The following PAK5 variants were observed in gnomAD, a reference collection of about 807,000 sequenced individuals.
PAK5 encodes p21 (RAC1) activated kinase 5.
In PAK5, 16 loss-of-function variants were observed where a neutral mutation model predicts 65.9. The ratio of observed to expected loss-of-function variants is 0.24; its 90% CI spans 0.16 to 0.37. PAK5 has a LOEUF of 0.37. Ranked by LOEUF, PAK5 falls within the 10% of genes least tolerant of loss-of-function variation. The pLI, the probability that PAK5 is intolerant of heterozygous loss-of-function variation, is 1.00. For missense variants in PAK5, 785 were observed against 903.9 expected (o/e 0.87, Z 1.69); for synonymous variants, 371 against 354.9 (o/e 1.05, Z -0.51).
At chr20:9,648,839 T>C (rs898241824) in intron 2 of PAK5, among the ~76,000 whole-genome samples, 6 of 152,154 alleles carry the variant, frequency 3.9e-5, no homozygotes, top group African/African-American at 1.2e-4. Context: ...GGGAACCCAG[T>C]TGGTGTGGAT....
chr20:9,556,438 T>C (rs1300009889), intron 7 of PAK5, among the ~76,000 whole-genome samples: 2 of 152,214 alleles, frequency 1.3e-5, no homozygotes, highest in Non-Finnish European at 2.9e-5. Flanking sequence ...CCTCTGATCA[T>C]TCCTGGGCAA....
chr20:9,636,680 G>A (rs1037116572), intron 3 of PAK5, among the ~76,000 whole-genome samples: 17 of 152,106 alleles, frequency 1.1e-4, no homozygotes, highest in African/African-American at 3.6e-4. Context: ...AAAACAGCTG[G>A]TTTAGAGAAA....
At chr20:9,761,992 C>T (rs2048705652) in intron 1 of PAK5, among the ~76,000 whole-genome samples, 2 of 151,936 alleles carry the variant, frequency 1.3e-5, no homozygotes, top group Admixed American at 1.3e-4. Flanking sequence ...TTGACAAGGG[C>T]AGCAAGAATA....
At chr20:9,601,960 A>G (rs1186932451) in intron 3 of PAK5, among the ~76,000 whole-genome samples, 1 of 152,176 alleles carries the variant, frequency 6.6e-6, no homozygotes, top group Non-Finnish European at 1.5e-5. Context: ...AGTCATTAGC[A>G]TTTGTAGGGT....
intron 1 of PAK5, among the ~76,000 whole-genome samples, chr20:9,745,494 A>C (rs1045757503): frequency 1.3e-5 from 2 of 152,144 alleles, no homozygotes; most frequent in African/African-American, 4.8e-5. Flanking sequence ...TGGTCAATTT[A>C]ATACCTATAA....
chr20:9,624,049 G>C (rs1001821332), intron 3 of PAK5, among the ~76,000 whole-genome samples: 1 of 152,100 alleles, frequency 6.6e-6, no homozygotes, highest in Admixed American at 6.6e-5. Context: ...TTAGGGTCAT[G>C]GTATGTCTTG....
chr20:9,670,616 G>A (rs531288266), intron 2 of PAK5, among the ~76,000 whole-genome samples: 7 of 152,186 alleles, frequency 4.6e-5, no homozygotes, highest in African/African-American at 1.7e-4. Context: ...TTTTAAATGG[G>A]GTTGTTTGAT....
chr20:9,730,398 T>C (rs1005890672), intron 1 of PAK5, among the ~76,000 whole-genome samples: 4 of 152,168 alleles, frequency 2.6e-5, no homozygotes, highest in Admixed American at 6.6e-5. Flanking sequence ...TACTGCTATG[T>C]TTTCAGATAA....
chr20:9,551,216 T>G (rs930369322), intron 7 of PAK5, among the ~76,000 whole-genome samples: 1 of 152,206 alleles, frequency 6.6e-6, no homozygotes, highest in African/African-American at 2.4e-5. Flanking sequence ...AATAAAGCAC[T>G]GTAGGCAGAT....
chr20:9,830,089 G>A (rs763048135), intron 1 of PAK5, among the ~76,000 whole-genome samples: 1 of 152,170 alleles, frequency 6.6e-6, no homozygotes, highest in Non-Finnish European at 1.5e-5. Context: ...GAGCTCAAGG[G>A]GTCTTTGTTG....
intron 1 of PAK5, among the ~76,000 whole-genome samples, chr20:9,760,865 G>A (rs1369382979): frequency 2.0e-5 from 3 of 151,586 alleles, no homozygotes; most frequent in Admixed American, 6.6e-5. Context: ...GTAGAGACAA[G>A]GTTTCACTAT....
At chr20:9,592,536 C>T (rs921903218) in intron 3 of PAK5, among the ~76,000 whole-genome samples, 12 of 152,230 alleles carry the variant, frequency 7.9e-5, no homozygotes, top group African/African-American at 2.2e-4. Context: ...GCATACTTTA[C>T]GTTTATGATT....
intron 1 of PAK5, among the ~76,000 whole-genome samples, chr20:9,713,899 C>T (rs570863580): frequency 6.6e-6 from 1 of 151,636 alleles, no homozygotes; most frequent in Non-Finnish European, 1.5e-5. Flanking sequence ...TTAATGAGTA[C>T]AAAAATATAG....
intron 1 of PAK5, among the ~76,000 whole-genome samples, chr20:9,716,094 C>A (rs923918606): frequency 3.4e-5 from 2 of 58,560 alleles, no homozygotes; most frequent in African/African-American, 6.1e-5. Context: ...CATGCAGTAG[C>A]TGAAAAAAAA....
intron 1 of PAK5, among the ~76,000 whole-genome samples, chr20:9,723,335 C>G (rs1248202300): frequency 6.6e-6 from 1 of 152,018 alleles, no homozygotes; most frequent in Non-Finnish European, 1.5e-5. Context: ...CTTTGAGGTG[C>G]AAGGGAAAGT....
Position 9,709,693 on chromosome 20 carries a change from T to C in PAK5, c.-12+1593A>G, listed in dbSNP as rs144563433. On this transcript the variant is annotated intron_variant, in intron 2 of 9. Coordinates refer to ENST00000353224, the MANE Select transcript of PAK5 (RefSeq NM_177990.4). Reference sequence around the variant, plus strand: ...AGGAAGAATTCCTACACCATACAAGTTTAGAACAATTTCAGACAGTTATGA... The same window carrying C: ...AGGAAGAATTCCTACACCATACAAGCTTAGAACAATTTCAGACAGTTATGA... 5.3e-3 allele frequency among the ~76,000 whole-genome samples: 805 copies of C among 152,224 alleles called. 4 individuals are homozygous for C. The highest frequency in any genetic ancestry group is 0.018 in the African/African-American group (760 of 41,556).
At chr20:9,671,975 G>A (rs2047505043) in intron 2 of PAK5, among the ~76,000 whole-genome samples, 1 of 152,014 alleles carries the variant, frequency 6.6e-6, no homozygotes, top group Non-Finnish European at 1.5e-5. Flanking sequence ...ACACACTACA[G>A]AAATCTAGAT....
intron 2 of PAK5, among the ~76,000 whole-genome samples, chr20:9,669,036 A>G (rs1389770323): frequency 2.6e-5 from 4 of 152,216 alleles, no homozygotes; most frequent in Admixed American, 2.6e-4. Flanking sequence ...CCTTGTGCTG[A>G]TTGTAGAATC....
chr20:9,729,415 G>T (rs1178571928), intron 1 of PAK5, among the ~76,000 whole-genome samples: 2 of 152,136 alleles, frequency 1.3e-5, no homozygotes, highest in African/African-American at 4.8e-5. Flanking sequence ...TAATGTGTAT[G>T]ATACTGCTGG....
Sources: allele counts gnomAD v4.1 joint callset (sites outside exome capture counted in the v4.1 genomes callset), GRCh38; gene constraint gnomAD v4.1.1; transcripts MANE v1.5; gene names NCBI Gene and HGNC (gene_info 2026-07-23, HGNC 2026-07-21).